Variants in DLG2 observed in about 807,000 individuals in gnomAD.
DLG2 encodes disks large homolog 2.
A neutral mutation model predicts 132.5 loss-of-function variants in DLG2; 45 were observed. That is an observed-to-expected ratio of 0.34 (90% CI 0.27 to 0.44). The LOEUF (loss-of-function observed/expected upper bound fraction) is 0.44, where lower values mean the gene tolerates loss of function less well. Among genes scored for constraint, DLG2 ranks in the 20% least tolerant of loss-of-function variants. The pLI, the probability that DLG2 is intolerant of heterozygous loss-of-function variation, is 1.00. For missense variants in DLG2, 1,045 were observed against 1,196.9 expected, an observed-to-expected ratio of 0.87 and a Z score of 1.87; for synonymous variants, 424 against 419.6, an observed-to-expected ratio of 1.01 and a Z score of -0.13.
At chr11:84,312,311 A>C (rs1331825792) in intron 7 of DLG2, among the ~76,000 whole-genome samples, 1 of 152,170 alleles carries the variant, frequency 6.6e-6, no homozygotes, top group Non-Finnish European at 1.5e-5. Context: ...TCTAATAAAA[A>C]TACACACAAA....
At chr11:83,698,387 A>G (rs1049066305) in intron 18 of DLG2, among the ~76,000 whole-genome samples, 1 of 152,210 alleles carries the variant, frequency 6.6e-6, no homozygotes, top group Non-Finnish European at 1.5e-5. Context: ...TCTTATGCCA[A>G]TCATGAATCT....
At chr11:83,536,879 T>C (rs1344786860) in intron 20 of DLG2, among the ~76,000 whole-genome samples, 1 of 152,190 alleles carries the variant, frequency 6.6e-6, no homozygotes, top group African/African-American at 2.4e-5. Context: ...CAACTTACTT[T>C]CCCGGTAAGA....
In DLG2 at chr11:84,728,198, C is replaced by T. The variant is rs372567692; in HGVS notation, c.358-193467G>A. On this transcript the variant is annotated intron_variant, in intron 6 of 27. Transcript: ENST00000376104. ...TCAAAGGGAATGCTTCCAGTTTTTG[C>T]CCATTTAGTATGATATTGGCTGTGG... Among the ~76,000 whole-genome samples the T allele has an allele frequency of 4.3e-4, 65 of 152,216 alleles. No individual in the cohort carries two copies. In the East Asian group the frequency reaches 0.012, roughly 27 times the overall value.
chr11:84,933,339 T>C (rs2048321196), intron 6 of DLG2, among the ~76,000 whole-genome samples: 1 of 152,172 alleles, frequency 6.6e-6, no homozygotes, highest in Non-Finnish European at 1.5e-5. Context: ...AGGATTTCCT[T>C]GGCTTTTTGG....
intron 11 of DLG2, among the ~76,000 whole-genome samples, chr11:84,019,314 C>A (rs1458630139): frequency 6.6e-6 from 1 of 151,960 alleles, no homozygotes; most frequent in Non-Finnish European, 1.5e-5. Context: ...TTCTAGAAGG[C>A]AGAGTTTTGT....
chr11:83,541,896 T>A (rs772496724), intron 19 of DLG2, 38 bp from the exon 20 acceptor site: 2 of 1,546,942 alleles, frequency 1.3e-6, no homozygotes, highest in Non-Finnish European at 1.7e-6. Context: ...GTTAGGAATC[T>A]CTGGCAGCAC....
intron 8 of DLG2, among the ~76,000 whole-genome samples, chr11:84,192,799 A>C (rs533432522): frequency 1.7e-4 from 26 of 152,288 alleles, no homozygotes; most frequent in Middle Eastern, 3.4e-3. Context: ...GTTTCTTATG[A>C]ATTAAACTAT....
intron 7 of DLG2, among the ~76,000 whole-genome samples, chr11:84,260,153 G>C (rs983212113): frequency 2.0e-5 from 3 of 151,768 alleles, no homozygotes; most frequent in Admixed American, 6.6e-5. Context: ...TTTTTTTCTA[G>C]TGCAGAAATG....
At chr11:83,967,218 G>A (rs1343102230) in intron 12 of DLG2, among the ~76,000 whole-genome samples, 1 of 152,086 alleles carries the variant, frequency 6.6e-6, no homozygotes, top group East Asian at 1.9e-4. Flanking sequence ...ATCTTTACAA[G>A]GTGGTGATTT....
intron 9 of DLG2, among the ~76,000 whole-genome samples, chr11:84,119,126 A>T (rs2154199575): frequency 6.6e-6 from 1 of 152,058 alleles, no homozygotes; most frequent in African/African-American, 2.4e-5. Flanking sequence ...CATCTACCAT[A>T]TGGCAAAAGT....
At chr11:84,705,005 G>A (rs1049159807) in intron 6 of DLG2, among the ~76,000 whole-genome samples, 2 of 151,248 alleles carry the variant, frequency 1.3e-5, no homozygotes, top group African/African-American at 4.8e-5. Flanking sequence ...TTCTAGAAAA[G>A]GATTTGAGGT....
chr11:85,573,676 A>G (rs1162888663), intron 3 of DLG2, among the ~76,000 whole-genome samples: 1 of 152,118 alleles, frequency 6.6e-6, no homozygotes, highest in African/African-American at 2.4e-5. Flanking sequence ...TATCCCCCCA[A>G]TAAATCCAAT....
intron 6 of DLG2, among the ~76,000 whole-genome samples, chr11:84,749,344 AC>A (rs1481302538): frequency 6.6e-6 from 1 of 152,204 alleles, no homozygotes; most frequent in African/African-American, 2.4e-5. Context: ...CTCTATAGCC[AC>A]CCCTGGGATA....
At chr11:83,769,264 A>G (rs1198450991) in intron 18 of DLG2, among the ~76,000 whole-genome samples, 1 of 152,090 alleles carries the variant, frequency 6.6e-6, no homozygotes, top group Non-Finnish European at 1.5e-5. Flanking sequence ...CTCCACATGA[A>G]CCTACCCATT....
intron 4 of DLG2, among the ~76,000 whole-genome samples, chr11:85,283,197 A>G (rs139694915): frequency 8.2e-4 from 124 of 152,136 alleles, no homozygotes; most frequent in African/African-American, 2.7e-3. Flanking sequence ...GAGTTTACCT[A>G]TATAACAAAC....
At chr11:83,995,418 G>C (rs961173239) in intron 11 of DLG2, among the ~76,000 whole-genome samples, 11 of 152,240 alleles carry the variant, frequency 7.2e-5, no homozygotes, top group Non-Finnish European at 1.5e-4. Flanking sequence ...AATGAGGAGA[G>C]AGACTTTGAA....
chr11:85,386,641 C>A, intron 3 of DLG2, among the ~76,000 whole-genome samples: 1 of 150,912 alleles, frequency 6.6e-6, no homozygotes, highest in South Asian at 2.1e-4. Flanking sequence ...TCAAATTAGC[C>A]CCTGTATGAT....
chr11:84,836,899 G>A (rs1020494354), intron 6 of DLG2, among the ~76,000 whole-genome samples: 6 of 151,952 alleles, frequency 3.9e-5, no homozygotes, highest in Middle Eastern at 3.4e-3. Context: ...TAGGGTACAT[G>A]TGCACAACGT....
At chr11:83,651,764 T>C in intron 18 of DLG2, 2 of 465,004 alleles carry the variant, frequency 4.3e-6, no homozygotes, top group East Asian at 7.0e-5. Flanking sequence ...AAAGAGCATC[T>C]AATAGGGAGA....
Sources: allele counts gnomAD v4.1 joint callset (sites outside exome capture counted in the v4.1 genomes callset), GRCh38; gene constraint gnomAD v4.1.1; transcripts MANE v1.5; gene names NCBI Gene and HGNC (gene_info 2026-07-23, HGNC 2026-07-21).